Variants in PRKCB observed in about 807,000 individuals in gnomAD.
The protein encoded by PRKCB is protein kinase C beta type.
A neutral mutation model predicts 81.5 loss-of-function variants in PRKCB; 13 were observed. The observed-to-expected ratio is 0.16, with a 90% CI of 0.10 to 0.25. PRKCB has a LOEUF of 0.25. PRKCB is among the 10% of genes least tolerant of loss of function. The probability of loss-of-function intolerance (pLI) is 1.00; values close to 1 mark genes in which losing one functional copy is unlikely to be tolerated. For missense variants in PRKCB, 509 were observed against 875.7 expected, an observed-to-expected ratio of 0.58 and a Z score of 5.29; for synonymous variants, 335 against 321.4, an observed-to-expected ratio of 1.04 and a Z score of -0.45.
At chr16:24,172,777 A>C (rs916870952) in intron 11 of PRKCB, among the ~76,000 whole-genome samples, 7 of 152,310 alleles carry the variant, frequency 4.6e-5, no homozygotes, top group Admixed American at 6.5e-5. Flanking sequence ...ACAGCTATTT[A>C]TTTATTTCTA....
chr16:24,210,319 G>A (rs946407459), intron 16 of PRKCB, among the ~76,000 whole-genome samples: 1 of 151,992 alleles, frequency 6.6e-6, no homozygotes, highest in African/African-American at 2.4e-5. Context: ...TTGCTGCTTG[G>A]TGACTGTGCC....
chr16:24,107,689 C>T (rs1966596088), intron 7 of PRKCB, among the ~76,000 whole-genome samples: 1 of 152,240 alleles, frequency 6.6e-6, no homozygotes. Context: ...CCACCGTGAA[C>T]ACACGCTGTG....
At chr16:24,160,171 T>C (rs1184699870) in intron 10 of PRKCB, among the ~76,000 whole-genome samples, 1 of 148,430 alleles carries the variant, frequency 6.7e-6, no homozygotes, top group African/African-American at 2.5e-5. Flanking sequence ...AGCTCAGGTT[T>C]TCTAATAGCC....
intron 8 of PRKCB, among the ~76,000 whole-genome samples, chr16:24,120,819 C>G (rs1409411088): frequency 2.0e-5 from 3 of 152,124 alleles, no homozygotes; most frequent in Non-Finnish European, 2.9e-5. Context: ...CTGCAACCTC[C>G]AACTCCTGGG....
At chr16:23,842,106 C>A (rs1366178166) in intron 2 of PRKCB, among the ~76,000 whole-genome samples, 1 of 152,040 alleles carries the variant, frequency 6.6e-6, no homozygotes, top group African/African-American at 2.4e-5. Flanking sequence ...AAGGAAGTGA[C>A]TTTGGTAGAA....
At chr16:23,934,586 A>G (rs984909703) in intron 2 of PRKCB, among the ~76,000 whole-genome samples, 1 of 152,336 alleles carries the variant, frequency 6.6e-6, no homozygotes, top group Admixed American at 6.5e-5. Context: ...CCTTTGTTAC[A>G]TTAATAAGTT....
Position 24,124,034 on chromosome 16 carries a change from C to T in PRKCB, c.1065+53C>T, listed in dbSNP as rs1268099603. 3.7e-6 allele frequency: 6 copies of T among 1,604,378 alleles called. No individual in the cohort carries two copies. In the African/African-American group the frequency reaches 8.0e-5, roughly 21 times the overall value. The stretch of plus-strand genomic sequence containing the variant: ...GCTTTGGAAGGAACATCTAACAACA[C>T]AGGCACATTTGCTGTTCCTATGGGA... On this transcript the variant is annotated intron_variant, in intron 9 of 16. Coordinates refer to ENST00000643927, the MANE Select transcript of PRKCB (RefSeq NM_002738.7).
At chr16:23,885,262 G>C (rs1022458341) in intron 2 of PRKCB, among the ~76,000 whole-genome samples, 1 of 152,116 alleles carries the variant, frequency 6.6e-6, no homozygotes, top group African/African-American at 2.4e-5. Context: ...TTCTTAAGCA[G>C]ATGGGAGATC....
chr16:23,958,226 A>G (rs564645905), intron 2 of PRKCB, among the ~76,000 whole-genome samples: 88 of 152,214 alleles, frequency 5.8e-4, no homozygotes, highest in African/African-American at 2.0e-3. Context: ...TCCTGATCTC[A>G]GGTGATCTGC....
chr16:23,881,965 C>A (rs8060215), intron 2 of PRKCB, among the ~76,000 whole-genome samples: 1 of 70,102 alleles, frequency 1.4e-5, no homozygotes, highest in Non-Finnish European at 3.2e-5. Flanking sequence ...TTTTTCTTTT[C>A]CTTTCTTTCT....
chr16:23,923,439 C>A (rs1963853435), intron 2 of PRKCB, among the ~76,000 whole-genome samples: 1 of 152,028 alleles, frequency 6.6e-6, no homozygotes, highest in Non-Finnish European at 1.5e-5. Flanking sequence ...AAATTAGCTA[C>A]TAGGGCCAGT....
At chr16:23,991,412 C>A (rs1253712563) in intron 3 of PRKCB, among the ~76,000 whole-genome samples, 1 of 152,138 alleles carries the variant, frequency 6.6e-6, no homozygotes, top group Admixed American at 6.5e-5. Context: ...TCCTCCCTAG[C>A]AAAATAGGCA....
intron 5 of PRKCB, among the ~76,000 whole-genome samples, chr16:24,079,086 C>G (rs1451615057): frequency 6.6e-6 from 1 of 152,198 alleles, no homozygotes; most frequent in Non-Finnish European, 1.5e-5. Context: ...TAACTAATGA[C>G]GTTCCACCAT....
At chr16:24,134,013 A>T (rs1396066136) in intron 9 of PRKCB, among the ~76,000 whole-genome samples, 4 of 150,932 alleles carry the variant, frequency 2.7e-5, no homozygotes, top group Admixed American at 2.0e-4. Flanking sequence ...CTCCCATCTC[A>T]GTCTCCCAAG....
chr16:23,874,223 A>T (rs137987931), intron 2 of PRKCB, among the ~76,000 whole-genome samples: 1 of 152,342 alleles, frequency 6.6e-6, no homozygotes, highest in Admixed American at 6.5e-5. Flanking sequence ...ATTTTGTTCT[A>T]TGGATGAGCT....
chr16:23,901,287 C>G (rs1402986847), intron 2 of PRKCB, among the ~76,000 whole-genome samples: 1 of 152,082 alleles, frequency 6.6e-6, no homozygotes, highest in Non-Finnish European at 1.5e-5. Flanking sequence ...ATACCCACCC[C>G]CTCTCCCAAT....
At position 24,035,560 on chromosome 16, in the gene PRKCB, G is replaced by A. The variant is rs777111954; in HGVS notation, c.529+13G>A. 3 of 1,612,330 alleles carry A rather than the reference G, an allele frequency of 1.9e-6. No individual in the cohort carries two copies. The highest frequency in any genetic ancestry group is 2.7e-5 in the African/African-American group (2 of 74,842). On this transcript the variant is annotated intron_variant, in intron 5 of 16. Coordinates refer to ENST00000643927, the MANE Select transcript of PRKCB (RefSeq NM_002738.7). ...CTCATTGTCCTCGGTAGGTGGCCCT[G>A]GGGCTCCACTGGCTCCTGACCTTGC...
At chr16:24,112,230 A>G (rs1345751531) in intron 7 of PRKCB, among the ~76,000 whole-genome samples, 1 of 152,232 alleles carries the variant, frequency 6.6e-6, no homozygotes, top group African/African-American at 2.4e-5. Flanking sequence ...AAAGGTAGAA[A>G]TGCTGGAAGA....
rs774726787 is a variant in PRKCB, at chr16:24,180,910, A to C, written c.1515A>C (p.Pro505=). 1 of 1,614,200 alleles carries C rather than the reference A, an allele frequency of 6.2e-7. No homozygotes were observed. The highest frequency in any genetic ancestry group is 8.5e-7 in the Non-Finnish European group (1 of 1,180,024). Residue 505 remains proline (P), a synonymous_variant, in exon 13 of 17, where the codon CCA becomes CCC. Transcript: ENST00000643927. The part of the protein sequence containing the change: ...GVTTKTFCGT[P]DYIAPEIIAY... The stretch of plus-strand genomic sequence containing the variant: ...CAACCAAGACATTCTGTGGCACTCC[A>C]GACTACATCGCCCCCGAGGTGAGAG...
Sources: allele counts gnomAD v4.1 joint callset (sites outside exome capture counted in the v4.1 genomes callset), GRCh38; gene constraint gnomAD v4.1.1; transcripts MANE v1.5; gene names NCBI Gene and HGNC (gene_info 2026-07-23, HGNC 2026-07-21).